Variants in NTRK2 observed in about 807,000 individuals in gnomAD.
NTRK2 encodes BDNF/NT-3 growth factors receptor.
In NTRK2, 13 loss-of-function variants were observed where a neutral mutation model predicts 94.5. The ratio of observed to expected loss-of-function variants is 0.14; its 90% CI spans 0.09 to 0.22. The LOEUF (loss-of-function observed/expected upper bound fraction) is 0.22. Ranked by LOEUF, NTRK2 falls within the 10% of genes least tolerant of loss-of-function variation. NTRK2 has a pLI of 1.00. For synonymous variants in NTRK2, 372 were observed against 407.4 expected (o/e 0.91, Z 1.05); for missense variants, 639 against 1,071.2 (o/e 0.60, Z 5.63).
intron 14 of NTRK2, among the ~76,000 whole-genome samples, chr9:84,868,900 C>T (rs1243355567): frequency 1.3e-5 from 2 of 152,130 alleles, no homozygotes; most frequent in African/African-American, 2.4e-5. Flanking sequence ...TGATGCATTT[C>T]AATTAGCCTG....
At chr9:84,789,750 G>A (rs759593740) in intron 12 of NTRK2, among the ~76,000 whole-genome samples, 10 of 152,064 alleles carry the variant, frequency 6.6e-5, no homozygotes, top group African/African-American at 1.9e-4. Flanking sequence ...CCCTCTGGCC[G>A]CAGAGATTGT....
chr9:84,722,286 T>C (rs2062125705), intron 6 of NTRK2, among the ~76,000 whole-genome samples: 1 of 151,666 alleles, frequency 6.6e-6, no homozygotes, highest in Non-Finnish European at 1.5e-5. Context: ...CAGATCTTAT[T>C]GGGGAATCCT....
chr9:84,909,719 G>A (rs752514313), intron 14 of NTRK2, among the ~76,000 whole-genome samples: 23 of 152,054 alleles, frequency 1.5e-4, no homozygotes, highest in Non-Finnish European at 3.1e-4. Context: ...TCTTGCCATT[G>A]TTTATATATG....
At chr9:84,776,369 G>T (rs2067046922) in intron 12 of NTRK2, among the ~76,000 whole-genome samples, 1 of 152,054 alleles carries the variant, frequency 6.6e-6, no homozygotes, top group African/African-American at 2.4e-5. Flanking sequence ...TTACAGGCAT[G>T]TGCCACCACA....
At chr9:84,669,200 T>G (rs1406789658), upstream of NTRK2, 1 of 152,440 alleles carries the variant, frequency 6.6e-6, no homozygotes, top group African/African-American at 2.4e-5. The surrounding 1 kb of genome is among the most constrained non-coding windows in gnomAD (Gnocchi z 4.1). Context: ...TTATTTATTT[T>G]TAGGATAGCT....
In NTRK2 at chr9:85,026,146, A is replaced by C. The variant is rs1833025625; in HGVS notation, c.*4709A>C. ...AAGCAAAGCAAAAAAAAAAATATAT[A>C]TATATATATCTGTATATGTGTTGTA... On this transcript the variant is annotated 3_prime_UTR_variant, in exon 19 of 19. Transcript: ENST00000277120. 4.6e-6 allele frequency: 1 copy of C among 218,908 alleles called. No individual in the cohort carries two copies. 13.6% of individuals were successfully genotyped at this position (218,908 alleles called of 1,614,324 possible).
intron 12 of NTRK2, among the ~76,000 whole-genome samples, chr9:84,752,666 A>G (rs529562652): frequency 1.3e-5 from 2 of 152,352 alleles, no homozygotes; most frequent in South Asian, 4.1e-4. Context: ...GCACTAATTG[A>G]CCCAAAATAG....
At chr9:84,677,681 C>G (rs939238908) in intron 2 of NTRK2, among the ~76,000 whole-genome samples, 1 of 152,106 alleles carries the variant, frequency 6.6e-6, no homozygotes, top group African/African-American at 2.4e-5. Context: ...CTGTCTACTC[C>G]AACCTTGGTG....
chr9:84,808,640 T>C (rs1034541994), intron 12 of NTRK2, among the ~76,000 whole-genome samples: 6 of 152,216 alleles, frequency 3.9e-5, no homozygotes, highest in African/African-American at 9.6e-5. Flanking sequence ...GAGGCAAAAC[T>C]TTTAGAAGGA....
At position 85,023,663 on chromosome 9, in the gene NTRK2, A is replaced by G. The variant is rs768664822; in HGVS notation, c.*2226A>G. The G allele has an allele frequency of 4.3e-5, 10 of 231,066 alleles. No homozygotes were observed. Among genetic ancestry groups the G allele is most frequent in the Middle Eastern group, 1.3e-3 (1 of 798 alleles). The allele number at this position is 231,066 out of a possible 1,614,324, so 14.3% of individuals were successfully genotyped here. ...CTCCATGATATATATGTGCACATAT[A>G]TATACATACATGTGCATGTATGTAT... On this transcript the variant is annotated 3_prime_UTR_variant, in exon 19 of 19. Coordinates refer to ENST00000277120, the MANE Select transcript of NTRK2 (RefSeq NM_006180.6).
chr9:84,962,600 A>G (rs1825080513), intron 17 of NTRK2, among the ~76,000 whole-genome samples: 1 of 152,152 alleles, frequency 6.6e-6, no homozygotes, highest in African/African-American at 2.4e-5. Flanking sequence ...ACTGGGAATG[A>G]CAGTAGGGAA....
intron 12 of NTRK2, chr9:84,814,895 T>C: frequency 9.4e-7 from 1 of 1,061,548 alleles, no homozygotes; most frequent in Non-Finnish European, 1.1e-6. Flanking sequence ...AGTACAGAAG[T>C]AACCACTCTA....
intron 2 of NTRK2, among the ~76,000 whole-genome samples, chr9:84,672,206 T>G (rs995622123): frequency 6.6e-6 from 1 of 152,230 alleles, no homozygotes. Context: ...CTGTTGCCTG[T>G]TCTGCTGCTG....
intron 17 of NTRK2, among the ~76,000 whole-genome samples, chr9:85,000,068 C>T (rs1169589660): frequency 6.6e-6 from 1 of 152,208 alleles, no homozygotes; most frequent in African/African-American, 2.4e-5. Flanking sequence ...ATCCCACGTC[C>T]TCATTGCAGC....
chr9:84,876,348 C>A (rs200154761), intron 14 of NTRK2: 12 of 1,051,694 alleles, frequency 1.1e-5, no homozygotes, highest in Non-Finnish European at 1.4e-5. Context: ...CACCACTAAG[C>A]AGCCACCTGA....
chr9:84,929,699 T>C (rs2077956306), intron 14 of NTRK2, among the ~76,000 whole-genome samples: 2 of 152,200 alleles, frequency 1.3e-5, no homozygotes, highest in African/African-American at 4.8e-5. Flanking sequence ...GTAGCTGGGA[T>C]TACAGGTGCA....
At chr9:84,748,984 GGA>G (rs1184289051) in intron 11 of NTRK2, among the ~76,000 whole-genome samples, 3 of 152,140 alleles carry the variant, frequency 2.0e-5, no homozygotes, top group African/African-American at 7.2e-5. Context: ...TGTAATCCCA[GGA>G]CTTAGGCTGA....
chr9:85,007,401 C>T (rs531947202), intron 17 of NTRK2, among the ~76,000 whole-genome samples: 11 of 152,274 alleles, frequency 7.2e-5, no homozygotes, highest in African/African-American at 1.9e-4. Context: ...TAAGATCAAA[C>T]GGGGCACAAG....
chr9:84,792,265 A>G (rs890116082), intron 12 of NTRK2, among the ~76,000 whole-genome samples: 2 of 152,236 alleles, frequency 1.3e-5, no homozygotes, highest in African/African-American at 4.8e-5. Flanking sequence ...TATGCTTCAA[A>G]CAAGTTTTGG....
Sources: gnomAD v4.1 joint callset for allele counts (sites outside exome capture counted in the v4.1 genomes callset) on GRCh38, gnomAD v4.1.1 for gene constraint, Gnocchi (gnomAD v3.1) non-coding constraint, MANE v1.5 for transcripts, NCBI Gene and HGNC (gene_info 2026-07-23, HGNC 2026-07-21) for gene names.